Variants in LRRC69 observed in about 807,000 individuals in gnomAD.
LRRC69 encodes the protein leucine rich repeat containing 69, also known as leucine-rich repeat-containing protein 69.
A neutral mutation model predicts 37.8 loss-of-function variants in LRRC69; 42 were observed. The observed-to-expected ratio is 1.11, with a 90% confidence interval of 0.87 to 1.44. LRRC69 has a LOEUF of 1.44. Ranked by LOEUF, LRRC69 falls within the 40% of genes most tolerant of loss-of-function variation. The pLI is 0.00. For synonymous variants in LRRC69, 141 were observed against 143.1 expected (o/e 0.99, Z 0.11); for missense variants, 357 against 401.9 (o/e 0.89, Z 0.96).
At chr8:91,151,767 TAA>T (rs1808742402) in intron 5 of LRRC69, among the ~76,000 whole-genome samples, 2 of 151,754 alleles carry the variant, frequency 1.3e-5, no homozygotes, top group South Asian at 2.1e-4. Flanking sequence ...ACCAACAGTG[TAA>T]AAGTGTTCTT....
intron 1 of LRRC69, among the ~76,000 whole-genome samples, chr8:91,119,377 T>C (rs1352101591): frequency 6.6e-6 from 1 of 152,042 alleles, no homozygotes; most frequent in Non-Finnish European, 1.5e-5. Flanking sequence ...CCTTTGGTTA[T>C]CCTATGCTAT....
At chr8:91,184,089 G>T (rs1809367281) in intron 5 of LRRC69, among the ~76,000 whole-genome samples, 1 of 152,084 alleles carries the variant, frequency 6.6e-6, no homozygotes, top group African/African-American at 2.4e-5. Flanking sequence ...CGAGACCTGG[G>T]CAATATGGTG....
At chr8:91,158,410 C>T (rs538793391) in intron 5 of LRRC69, 10 of 1,390,410 alleles carry the variant, frequency 7.2e-6, no homozygotes, top group East Asian at 2.3e-5. Flanking sequence ...AGAAAGTAAA[C>T]AAAGATGATG....
intron 5 of LRRC69, among the ~76,000 whole-genome samples, chr8:91,161,340 CT>C (rs971942072): frequency 6.6e-6 from 1 of 151,170 alleles, no homozygotes; most frequent in Non-Finnish European, 1.5e-5. Context: ...TTCCTTCTTT[CT>C]TTTCGGAATG....
At chr8:91,210,876 C>T (rs1489178360) in intron 7 of LRRC69, among the ~76,000 whole-genome samples, 3 of 152,032 alleles carry the variant, frequency 2.0e-5, no homozygotes, top group Admixed American at 6.5e-5. Context: ...AAGACAATTT[C>T]AGATTGAAAA....
Position 91,102,673 on chromosome 8 carries a change from A to G in LRRC69, c.12A>G (p.Arg4=), listed in dbSNP as rs1415517079. The change falls in exon 1 of 8, where the codon AGA becomes AGG. Residue 4 remains arginine, a synonymous_variant. Coordinates refer to ENST00000448384, the Ensembl canonical transcript of LRRC69. The stretch of plus-strand genomic sequence containing the variant: ...TCTTTTCCAAGATCATGACTGAGAG[A>G]TTGTTAATAAAAGCATTGAGTGGTG... 2.6e-6 allele frequency: 4 copies of G among 1,550,208 alleles called. No individual in the cohort carries two copies. In the South Asian group the frequency reaches 3.6e-5, roughly 14 times the overall value.
At chr8:91,176,134 A>ATTTTTTTTTTTTTTTTT (rs771986461) in intron 5 of LRRC69, among the ~76,000 whole-genome samples, 1 of 75,710 alleles carries the variant, frequency 1.3e-5, no homozygotes. Flanking sequence ...ATATATATAT[A>ATTTTTTTTTTTTTTTTT]TTTTTTTTTT....
intron 5 of LRRC69, among the ~76,000 whole-genome samples, chr8:91,160,892 G>A (rs2130564557): frequency 6.6e-6 from 1 of 151,356 alleles, no homozygotes; most frequent in Middle Eastern, 3.4e-3. Flanking sequence ...TTTCCCTGCT[G>A]AAAGCTTTTC....
At chr8:91,191,297 T>A (rs1264077186) in intron 6 of LRRC69, among the ~76,000 whole-genome samples, 1 of 152,156 alleles carries the variant, frequency 6.6e-6, no homozygotes, top group African/African-American at 2.4e-5. Flanking sequence ...ATAATTTGAG[T>A]AACAGTTGTA....
chr8:91,139,416 C>A (rs1262555678), intron 5 of LRRC69, among the ~76,000 whole-genome samples: 2 of 151,820 alleles, frequency 1.3e-5, no homozygotes, highest in Non-Finnish European at 2.9e-5. Flanking sequence ...GTGGCGGGTG[C>A]CTGCAGTCCC....
intron 1 of LRRC69, among the ~76,000 whole-genome samples, chr8:91,124,175 T>A: frequency 6.6e-6 from 1 of 151,996 alleles, no homozygotes; most frequent in East Asian, 1.9e-4. Flanking sequence ...TCAGATACTC[T>A]TAAATTGTTC....
chr8:91,136,426 T>C (rs1311359311), intron 5 of LRRC69, among the ~76,000 whole-genome samples: 1 of 152,032 alleles, frequency 6.6e-6, no homozygotes, highest in East Asian at 1.9e-4. Context: ...TATTTTATAC[T>C]GAAGGTAATT....
intron 5 of LRRC69, chr8:91,158,127 G>C (rs975766386): frequency 3.9e-5 from 62 of 1,588,978 alleles, no homozygotes; most frequent in Middle Eastern, 1.7e-4. Flanking sequence ...GCATTACCAG[G>C]TGAAACTCTC....
intron 6 of LRRC69, among the ~76,000 whole-genome samples, chr8:91,197,423 C>T (rs940063867): frequency 9.9e-5 from 15 of 152,252 alleles, no homozygotes; most frequent in South Asian, 6.2e-4. Context: ...TGGCCAATGG[C>T]GGGCGCCCCT....
intron 5 of LRRC69, among the ~76,000 whole-genome samples, chr8:91,179,168 C>T (rs1452838177): frequency 6.6e-6 from 1 of 152,062 alleles, no homozygotes; most frequent in African/African-American, 2.4e-5. Context: ...AATACCTGAA[C>T]CTGGGTAATT....
intron 6 of LRRC69, among the ~76,000 whole-genome samples, chr8:91,192,358 C>T (rs1031980858): frequency 7.2e-5 from 11 of 152,052 alleles, no homozygotes; most frequent in African/African-American, 2.7e-4. Context: ...TGGGTACATA[C>T]TCAGTAATGG....
chr8:91,158,086 G>T, intron 5 of LRRC69: 1 of 1,478,038 alleles, frequency 6.8e-7, no homozygotes. Context: ...ATGCCCATGG[G>T]GTACAAACGG....
At position 91,160,206 on chromosome 8, in the gene LRRC69, T is replaced by C. The variant is rs1426267973; in HGVS notation, c.651+24467T>C. 2.0e-5 allele frequency among the ~76,000 whole-genome samples: 3 copies of C among 151,090 alleles called. No individual in the cohort carries two copies. The Admixed American group carries it at 2.0e-4, about 10-fold the overall frequency. On this transcript the variant is annotated intron_variant, in intron 5 of 7. Transcript: ENST00000448384. ...ATTTATTACTGGTTTATAGAATCACTACTGATTTTTGTTTGGTTGATTTTG... is the reference window on the plus strand; with the variant it reads ...ATTTATTACTGGTTTATAGAATCACCACTGATTTTTGTTTGGTTGATTTTG...
intron 5 of LRRC69, among the ~76,000 whole-genome samples, chr8:91,182,774 C>T (rs930943616): frequency 2.0e-5 from 3 of 152,114 alleles, no homozygotes; most frequent in African/African-American, 7.2e-5. Context: ...GATAAGGAAA[C>T]CATAGAGGGT....
Sources: gnomAD v4.1 joint callset for allele counts (sites outside exome capture counted in the v4.1 genomes callset) on GRCh38, gnomAD v4.1.1 for gene constraint, MANE v1.5 for transcripts, NCBI Gene and HGNC (gene_info 2026-07-23, HGNC 2026-07-21) for gene names.